The following ATRX variants were observed in gnomAD, a reference collection of about 807,000 sequenced individuals.
The protein encoded by ATRX is ATRX chromatin remodeler.
Under a neutral mutation model 172.6 loss-of-function variants are expected in ATRX, and 12 were observed. That is an observed-to-expected ratio of 0.07 (90% CI 0.04 to 0.11). The LOEUF (loss-of-function observed/expected upper bound fraction) is 0.11, where lower values mean the gene tolerates loss of function less well. Ranked by LOEUF, ATRX falls within the 10% of genes least tolerant of loss-of-function variation. The probability of loss-of-function intolerance (pLI) is 1.00; values close to 1 mark genes in which losing one functional copy is unlikely to be tolerated. For synonymous variants in ATRX, 674 were observed against 594.7 expected (o/e 1.13, Z -1.94); for missense variants, 1,368 against 1,767.4 (o/e 0.77, Z 4.05).
At chrX:77,751,557 G>C (rs2075299676) in intron 1 of ATRX, among the ~76,000 whole-genome samples, 1 of 112,169 alleles carries the variant, frequency 8.9e-6, no homozygotes, top group African/African-American at 3.2e-5. Flanking sequence ...TGTTGCCATT[G>C]CTTTTGGTGT....
rs1557207602 is a variant in ATRX, at chrX:77,785,987, G to C, written c.15C>G (p.Pro5=). The C allele has an allele frequency of 8.4e-7, 1 of 1,193,291 alleles. No homozygotes were observed. ...GAGACGGGGTTGCGTTTTACCTCAT[G>C]GGCTCAGCGGTCATGTTTTCGCTTG... MTAE[P]MSESKLNTLV... is the part of the protein sequence containing the mutation. Residue 5 remains proline (P), a synonymous_variant, in exon 1 of 35, where the codon CCC becomes CCG. Transcript: ENST00000373344.
chrX:77,694,171 T>C (rs961201041), intron 5 of ATRX, among the ~76,000 whole-genome samples: 1 of 112,072 alleles, frequency 8.9e-6, no homozygotes, highest in Non-Finnish European at 1.9e-5. Context: ...GGAGGTATTA[T>C]GGAGTGATTA....
At chrX:77,734,156 G>A (rs1557177544) in intron 1 of ATRX, among the ~76,000 whole-genome samples, 3 of 108,637 alleles carry the variant, frequency 2.8e-5, no homozygotes, top group East Asian at 2.9e-4. Context: ...GCAGTGAGCC[G>A]AGATCGTGCC....
intron 1 of ATRX, among the ~76,000 whole-genome samples, chrX:77,763,839 C>A (rs961077385): frequency 9.0e-6 from 1 of 111,096 alleles, no homozygotes; most frequent in African/African-American, 3.3e-5. Flanking sequence ...ATAGCCTGGG[C>A]GCAGTGGTGC....
intron 30 of ATRX, among the ~76,000 whole-genome samples, chrX:77,546,093 C>T (rs1028826080): frequency 2.7e-5 from 3 of 111,241 alleles, no homozygotes; most frequent in South Asian, 3.8e-4. Flanking sequence ...TTTACTTCTC[C>T]GCAAGCTTAA....
At chrX:77,571,562 G>A (rs1338932726) in intron 28 of ATRX, among the ~76,000 whole-genome samples, 5 of 111,646 alleles carry the variant, frequency 4.5e-5, no homozygotes, top group Admixed American at 9.5e-5. Flanking sequence ...TTAGTGACAA[G>A]GTTGGCAGTA....
chrX:77,785,625 A>T (rs1250747163), intron 1 of ATRX, among the ~76,000 whole-genome samples: 1 of 92,931 alleles, frequency 1.1e-5, no homozygotes, highest in Non-Finnish European at 2.1e-5. Context: ...CCCAAAGATT[A>T]GCAAAAATGA....
intron 16 of ATRX, among the ~76,000 whole-genome samples, chrX:77,635,001 G>A (rs782814761): frequency 3.7e-4 from 41 of 112,092 alleles, no homozygotes; most frequent in Non-Finnish European, 5.8e-4. Context: ...GAGAAACGTG[G>A]CCGGGCACAG....
chrX:77,616,077 A>T, intron 22 of ATRX: 5 of 753,787 alleles, frequency 6.6e-6, no homozygotes, highest in Non-Finnish European at 7.8e-6. Context: ...GTATTATTTT[A>T]AAGCATAGAA....
chrX:77,534,636 C>CT (rs1269358264), intron 30 of ATRX, among the ~76,000 whole-genome samples: 1 of 111,105 alleles, frequency 9.0e-6, no homozygotes, highest in Non-Finnish European at 1.9e-5. Context: ...TTTGTCTAAA[C>CT]TTTTTTTTCC....
intron 30 of ATRX, among the ~76,000 whole-genome samples, chrX:77,545,964 T>C (rs2064225426): frequency 9.0e-6 from 1 of 111,240 alleles, no homozygotes; most frequent in African/African-American, 3.3e-5. Context: ...CACTGTAAGA[T>C]TGTGTAGTAA....
intron 26 of ATRX, among the ~76,000 whole-genome samples, chrX:77,591,773 C>A (rs2066265566): frequency 8.9e-6 from 1 of 111,848 alleles, no homozygotes; most frequent in African/African-American, 3.2e-5. Context: ...TCTTTCTGTG[C>A]TACAAATTAA....
In ATRX at chrX:77,521,463, T is replaced by C. The variant is rs782078102; in HGVS notation, c.7011A>G (p.Glu2337=). Residue 2337 remains glutamate (E), a synonymous_variant, in exon 33 of 35, where the codon GAA becomes GAG. Transcript: ENST00000373344. ...TCACTGCTGTCACACTGTTTGTTGC[T>C]TCTACAACTTTTTCTCTTCCTTGAT... ...LINQGREKVV[E]ATNSVTAVRI... is the part of the protein sequence containing the mutation. 1.6e-5 allele frequency: 19 copies of C among 1,209,353 alleles called. No individual in the cohort carries two copies. Among genetic ancestry groups the C allele is most frequent in the South Asian group, 3.5e-5 (2 of 56,958 alleles).
chrX:77,716,195 G>A (rs1318025265), intron 2 of ATRX, among the ~76,000 whole-genome samples: 1 of 88,381 alleles, frequency 1.1e-5, no homozygotes, highest in Non-Finnish European at 2.1e-5. Flanking sequence ...GCTACCGGGA[G>A]GGTGAGGTGA....
At chrX:77,609,863 G>C (rs1435181402) in intron 22 of ATRX, among the ~76,000 whole-genome samples, 1 of 112,013 alleles carries the variant, frequency 8.9e-6, no homozygotes, top group African/African-American at 3.2e-5. Context: ...GTAGGGCAGG[G>C]GGAAAGGAGA....
chrX:77,663,038 A>AT (rs1405377449), intron 12 of ATRX, among the ~76,000 whole-genome samples: 4 of 110,656 alleles, frequency 3.6e-5, no homozygotes, highest in Admixed American at 1.9e-4. Flanking sequence ...CAAAACCAGT[A>AT]TTTTTTTTGT....
At chrX:77,646,685 C>G (rs781906753) in intron 15 of ATRX, among the ~76,000 whole-genome samples, 1 of 111,272 alleles carries the variant, frequency 9.0e-6, no homozygotes, top group Admixed American at 9.6e-5. Context: ...CTTTAGGAAG[C>G]CAAGGCAGGA....
At chrX:77,556,396 G>C (rs1384369885) in intron 30 of ATRX, among the ~76,000 whole-genome samples, 4 of 67,317 alleles carry the variant, frequency 5.9e-5, no homozygotes, top group Non-Finnish European at 1.1e-4. Flanking sequence ...AGGGAGAGAG[G>C]GGAGGAGGGA....
chrX:77,778,704 G>A (rs1309491457), intron 1 of ATRX, among the ~76,000 whole-genome samples: 1 of 105,096 alleles, frequency 9.5e-6, no homozygotes, highest in African/African-American at 3.5e-5. Flanking sequence ...CTGGGTGACA[G>A]AGCGAGACTA....
Sources: gnomAD v4.1 joint callset for allele counts (sites outside exome capture counted in the v4.1 genomes callset) on GRCh38, gnomAD v4.1.1 for gene constraint, MANE v1.5 for transcripts, NCBI Gene and HGNC (gene_info 2026-07-23, HGNC 2026-07-21) for gene names.